The following ATM variants were observed in gnomAD, a reference collection of about 807,000 sequenced individuals.
The protein encoded by ATM is ATM serine/threonine kinase, also known as serine-protein kinase ATM.
Under a neutral mutation model 387.0 loss-of-function variants are expected in ATM, and 308 were observed. The ratio of observed to expected loss-of-function variants is 0.80; its 90% CI spans 0.73 to 0.87. The LOEUF (loss-of-function observed/expected upper bound fraction) is 0.87. Ranked by LOEUF, ATM falls within the 40% of genes least tolerant of loss-of-function variation. The probability of loss-of-function intolerance (pLI) is 0.00; values close to 1 mark genes in which losing one functional copy is unlikely to be tolerated. For synonymous variants in ATM, 1,156 were observed against 1,187.3 expected (o/e 0.97, Z 0.54); for missense variants, 3,312 against 3,560.9 (o/e 0.93, Z 1.78).
intron 56 of ATM, among the ~76,000 whole-genome samples, chr11:108,336,806 TCA>T (rs2086907650): frequency 6.6e-6 from 1 of 152,216 alleles, no homozygotes; most frequent in East Asian, 1.9e-4. Context: ...AAGACAATCC[TCA>T]GTCACATTCT....
chr11:108,321,846 A>G (rs1007829762), intron 45 of ATM, among the ~76,000 whole-genome samples: 1 of 152,106 alleles, frequency 6.6e-6, no homozygotes, highest in Non-Finnish European at 1.5e-5. Context: ...TTATCAAGAT[A>G]TAAGTTGATT....
chr11:108,287,195 G>C, intron 26 of ATM: 1 of 159,168 alleles, frequency 6.3e-6, no homozygotes, highest in Non-Finnish European at 1.4e-5. Context: ...TAACAGTAAA[G>C]TTCTGTAATT....
Position 108,284,300 on chromosome 11 carries a change from C to T in ATM, c.3820C>T (p.Gln1274Ter), listed in dbSNP as rs1453429915. 1 of 1,613,662 alleles carries T rather than the reference C, an allele frequency of 6.2e-7. No individual in the cohort carries two copies. The highest frequency in any genetic ancestry group is 1.3e-5 in the African/African-American group (1 of 74,906). The change falls in exon 26 of 63, where the codon CAG becomes TAG. Residue 1274 changes from glutamine to a stop codon, truncating the protein, a stop_gained. Coordinates refer to ENST00000675843, the MANE Select transcript of ATM (RefSeq NM_000051.4). LOFTEE classifies it high-confidence loss of function. ...HFDEVKSIANQIQEDWKSLLT... is the reference protein window; with the variant it reads ...HFDEVKSIAN The stretch of plus-strand genomic sequence containing the variant: ...TGATGAGGTGAAGTCCATTGCTAAT[C>T]AGATTCAAGAGGACTGGAAAAGTCT...
In ATM at chr11:108,244,809, T is replaced by C. The variant is rs1591503368; in HGVS notation, c.684T>C (p.Gly228=). Residue 228 remains glycine, a synonymous_variant, in exon 7 of 63, where the codon GGT becomes GGC. Coordinates refer to ENST00000675843, the MANE Select transcript of ATM (RefSeq NM_000051.4). Reference sequence around the variant, plus strand: ...ACAGACAAGAAAAGAGCTCTTCAGGTCTAAATCATATCTTAGCAGCTCTTA... The same window carrying C: ...ACAGACAAGAAAAGAGCTCTTCAGGCCTAAATCATATCTTAGCAGCTCTTA... The part of the protein sequence containing the change: ...QCARQEKSSS[G]LNHILAALTI... 6.2e-7 allele frequency: 1 copy of C among 1,613,764 alleles called. No homozygotes were observed.
chr11:108,290,420 G>C (rs2082720563), intron 29 of ATM: 1 of 151,776 alleles, frequency 6.6e-6, no homozygotes, highest in African/African-American at 2.4e-5. Flanking sequence ...GAGCCCAGGA[G>C]TTAGAGACCA....
rs139496005 is a variant in ATM at position 108,328,375 on chromosome 11, T to C, written c.7089+617T>C. ...GATTCTCCTGCCTCAGCTTCCCAAG[T>C]AGCTGGGACTACAGGAGTGTGCCAC... On this transcript the variant is annotated intron_variant, in intron 48 of 62. Transcript: ENST00000675843. Among the ~76,000 whole-genome samples the C allele has an allele frequency of 8.1e-3, 1,228 of 152,308 alleles. 9 individuals carry two copies. Among genetic ancestry groups the C allele is most frequent in the African/African-American group, 0.025 (1,053 of 41,562 alleles).
intron 61 of ATM, among the ~76,000 whole-genome samples, chr11:108,364,048 C>T (rs1466751473): frequency 6.6e-6 from 1 of 152,142 alleles, no homozygotes; most frequent in Non-Finnish European, 1.5e-5. Flanking sequence ...TAATCAAGCT[C>T]AGTTTCTCCA....
At chr11:108,225,900 A>G (rs2078713871) in intron 1 of ATM, 2 of 152,174 alleles carry the variant, frequency 1.3e-5, no homozygotes, top group African/African-American at 4.8e-5. Flanking sequence ...ATTCTGTGAG[A>G]TTGAATCGGG....
chr11:108,268,309 C>A, intron 17 of ATM, 101 bp from the exon 18 acceptor site: 1 of 1,126,842 alleles, frequency 8.9e-7, no homozygotes, highest in Non-Finnish European at 1.3e-6. Context: ...TTTTGCTTTT[C>A]ATATACTTTT....
In ATM at chr11:108,292,712, G is replaced by C. The variant is rs2135800237; in HGVS notation, c.4530G>C (p.Lys1510Asn). The change falls in exon 30 of 63, where the codon AAG becomes AAC. Residue 1510 changes from lysine to asparagine, a missense_variant. Transcript: ENST00000675843. ...GCCAGACAGCCGTGACTTACTGTAAGGATGCTCTAGAAAACCATCTTCATG... is the reference window on the plus strand; with the variant it reads ...GCCAGACAGCCGTGACTTACTGTAACGATGCTCTAGAAAACCATCTTCATG... The part of the protein sequence containing the change: ...QVCQTAVTYC[K>N]DALENHLHVI... 1 of 1,613,866 alleles carries C rather than the reference G, an allele frequency of 6.2e-7. No homozygotes were observed. Among genetic ancestry groups the C allele is most frequent in the Non-Finnish European group, 8.5e-7 (1 of 1,179,952 alleles).
At position 108,331,942 on chromosome 11, in the gene ATM, A is replaced by G. The variant is rs1555124543; in HGVS notation, c.7693A>G (p.Asn2565Asp). 3 of 1,614,054 alleles carry G rather than the reference A, an allele frequency of 1.9e-6. No individual in the cohort carries two copies. The highest frequency in any genetic ancestry group is 1.7e-6 in the Non-Finnish European group (2 of 1,179,932). Residue 2565 changes from asparagine to aspartate, a missense_variant, in exon 52 of 63, where the codon AAT (asparagine) becomes GAT (aspartate). Transcript: ENST00000675843. Reference protein sequence around the residue: ...HTLFIILALANANRDEFLTKP... With the variant: ...HTLFIILALADANRDEFLTKP... ...TTTGTTTATTATACTGGCCTTAGCAAATGCAAACAGAGATGAATTTCTGAC... is the reference window on the plus strand; with the variant it reads ...TTTGTTTATTATACTGGCCTTAGCAGATGCAAACAGAGATGAATTTCTGAC...
Position 108,332,432 on chromosome 11 carries a change from CAAAT to C in ATM, c.7789-329_7789-326del, listed in dbSNP as rs578006120. On this transcript the variant is annotated intron_variant, in intron 52 of 62. Transcript: ENST00000675843. ...GGGCAACAAGAGCGAAACTCTGTCT[CAAAT>C]TAATTAATTAATTAATTAATTAAAA... 1.4e-3 allele frequency among the ~76,000 whole-genome samples: 219 copies of C among 151,256 alleles called. 1 individual carries two copies. The highest frequency in any genetic ancestry group is 3.4e-3 in the Middle Eastern group (1 of 294).
At chr11:108,359,787 A>T in intron 61 of ATM, among the ~76,000 whole-genome samples, 1 of 152,182 alleles carries the variant, frequency 6.6e-6, no homozygotes, top group Non-Finnish European at 1.5e-5. Flanking sequence ...TCTGGGACAC[A>T]TTCAAAGCAG....
intron 22 of ATM, among the ~76,000 whole-genome samples, chr11:108,273,486 C>T (rs2081741326): frequency 6.6e-6 from 1 of 151,500 alleles, no homozygotes. Flanking sequence ...GGATTACAGG[C>T]GCCTGCCACC....
chr11:108,363,244 C>G (rs907305030), intron 61 of ATM, among the ~76,000 whole-genome samples: 1 of 152,132 alleles, frequency 6.6e-6, no homozygotes, highest in Non-Finnish European at 1.5e-5. Context: ...TTCTTTTCTT[C>G]TCTTAGATTT....
intron 40 of ATM, among the ~76,000 whole-genome samples, 152 bp from the exon 41 acceptor site, chr11:108,315,658 TGAACTGTATTTCA>T (rs1280986257): frequency 6.6e-6 from 1 of 152,250 alleles, no homozygotes; most frequent in East Asian, 1.9e-4. Flanking sequence ...TCGTGTTGTT[TGAACTGTATTTCA>T]GAACTGTATT....
intron 53 of ATM, 26 bp from the exon 54 acceptor site, chr11:108,333,860 T>TA: frequency 6.4e-7 from 1 of 1,555,932 alleles, no homozygotes; most frequent in Non-Finnish European, 8.9e-7. Flanking sequence ...AGTTTGTCAC[T>TA]AAAATCTCTT....
rs1565543179 is a variant in ATM, at chr11:108,335,849, G to GTGA, written c.8160_8162dup (p.Asp2721dup). ...TCATGCTTAATTATTCTGAAGGGCC[G>GTGA]TGATGACCTGAGACAAGATGCTGTC... On this transcript the variant is annotated inframe_insertion, in exon 56 of 63. Transcript: ENST00000675843. 6.2e-7 allele frequency: 1 copy of GTGA among 1,612,514 alleles called. No individual in the cohort carries two copies. Among genetic ancestry groups the GTGA allele is most frequent in the Non-Finnish European group, 8.5e-7 (1 of 1,178,708 alleles).
At chr11:108,283,425 A>G (rs2082334112) in intron 25 of ATM, among the ~76,000 whole-genome samples, 2 of 152,350 alleles carry the variant, frequency 1.3e-5, no homozygotes, top group South Asian at 2.1e-4. Flanking sequence ...ATGTTTAGGT[A>G]TCAGGATGAT....
Sources: allele counts gnomAD v4.1 joint callset (sites outside exome capture counted in the v4.1 genomes callset), GRCh38; gene constraint gnomAD v4.1.1; transcripts MANE v1.5; gene names NCBI Gene and HGNC (gene_info 2026-07-23, HGNC 2026-07-21).